CPNE8: variants seen among roughly 807,000 people sequenced by gnomAD.
The protein encoded by CPNE8 is copine 8.
CPNE8 carries 45 observed loss-of-function variants against 81.5 expected under a neutral mutation model. The ratio of observed to expected loss-of-function variants is 0.55; its 90% CI spans 0.44 to 0.71. The LOEUF is 0.71. CPNE8 is among the 30% of genes least tolerant of loss of function. The pLI is 0.00. For synonymous variants in CPNE8, 252 were observed against 226.3 expected (o/e 1.11, Z -1.02); for missense variants, 594 against 672.1 (o/e 0.88, Z 1.28).
At chr12:38,716,320 A>C (rs1292286192) in intron 13 of CPNE8, among the ~76,000 whole-genome samples, 2 of 152,110 alleles carry the variant, frequency 1.3e-5, no homozygotes, top group African/African-American at 4.8e-5. Flanking sequence ...ATGGAACCAA[A>C]GAGAGAGCTC....
rs149628180 is a variant in CPNE8 at position 38,656,600 on chromosome 12, G to C, written c.1507-2530C>G. ...GTTTCAAAGCCTGGTTCTGCTGCCT[G>C]TTGCCTGCATGATCTTGAGCAGGTT... On this transcript the variant is annotated intron_variant, in intron 19 of 19. Transcript: ENST00000331366. 3.1e-3 allele frequency among the ~76,000 whole-genome samples: 472 copies of C among 152,246 alleles called. 4 individuals carry two copies. Among genetic ancestry groups the C allele is most frequent in the Non-Finnish European group, 5.4e-3 (364 of 68,016 alleles).
At chr12:38,817,083 A>T (rs1455551485) in intron 6 of CPNE8, among the ~76,000 whole-genome samples, 1 of 152,182 alleles carries the variant, frequency 6.6e-6, no homozygotes. Context: ...TTCTCCAGGG[A>T]ATATGTGAGC....
intron 10 of CPNE8, among the ~76,000 whole-genome samples, chr12:38,742,679 T>G (rs1027248624): frequency 3.2e-4 from 27 of 83,954 alleles, no homozygotes; most frequent in African/African-American, 7.7e-4. Flanking sequence ...AAAATATAAA[T>G]AAATAAATAA....
At chr12:38,862,170 T>C (rs1943846126) in intron 3 of CPNE8, among the ~76,000 whole-genome samples, 1 of 152,048 alleles carries the variant, frequency 6.6e-6, no homozygotes, top group South Asian at 2.1e-4. Context: ...AGAAAAAATA[T>C]AATGAAATGC....
chr12:38,663,743 G>A (rs1422445677), intron 19 of CPNE8, among the ~76,000 whole-genome samples: 1 of 152,072 alleles, frequency 6.6e-6, no homozygotes, highest in Non-Finnish European at 1.5e-5. Flanking sequence ...ATTAACAGAG[G>A]AATGGATAAG....
intron 5 of CPNE8, among the ~76,000 whole-genome samples, chr12:38,835,218 G>C (rs1943360680): frequency 6.6e-6 from 1 of 152,060 alleles, no homozygotes; most frequent in Admixed American, 6.6e-5. Context: ...CCACTGGACT[G>C]TTCTTCCTTT....
At chr12:38,737,222 TA>T (rs372286708) in intron 10 of CPNE8, among the ~76,000 whole-genome samples, 59 of 150,916 alleles carry the variant, frequency 3.9e-4, no homozygotes, top group Middle Eastern at 3.5e-3. Flanking sequence ...AGACTGAAGT[TA>T]AAAAAAAATG....
intron 10 of CPNE8, among the ~76,000 whole-genome samples, chr12:38,746,699 T>A (rs1941233341): frequency 6.6e-6 from 1 of 152,182 alleles, no homozygotes; most frequent in African/African-American, 2.4e-5. Flanking sequence ...TAACATACAT[T>A]GGAGATGCTA....
intron 10 of CPNE8, among the ~76,000 whole-genome samples, chr12:38,745,111 C>A (rs1348771774): frequency 6.6e-6 from 1 of 152,140 alleles, no homozygotes; most frequent in South Asian, 2.1e-4. Context: ...ACAGGCCTTC[C>A]ACCATATAAT....
chr12:38,699,838 G>A (rs1396102215), intron 14 of CPNE8, among the ~76,000 whole-genome samples: 3 of 152,200 alleles, frequency 2.0e-5, no homozygotes, highest in South Asian at 4.1e-4. Context: ...TACGATAAAG[G>A]AAATTGTTTT....
At chr12:38,689,977 G>A (rs1939637970) in intron 15 of CPNE8, among the ~76,000 whole-genome samples, 1 of 152,004 alleles carries the variant, frequency 6.6e-6, no homozygotes, top group African/African-American at 2.4e-5. Context: ...TTTTCTCATA[G>A]TGTGTCTCAC....
At chr12:38,808,493 T>A (rs913096160) in intron 6 of CPNE8, among the ~76,000 whole-genome samples, 8 of 151,262 alleles carry the variant, frequency 5.3e-5, no homozygotes, top group Non-Finnish European at 1.2e-4. Flanking sequence ...CTCAGTCAAC[T>A]ATCACAAGAA....
chr12:38,859,572 C>T (rs1053032942), intron 3 of CPNE8, among the ~76,000 whole-genome samples: 22 of 151,952 alleles, frequency 1.4e-4, no homozygotes, highest in African/African-American at 4.8e-4. Context: ...ATAGACAAAA[C>T]AATCTTAAAA....
At chr12:38,674,345 T>G (rs185227215) in intron 18 of CPNE8, among the ~76,000 whole-genome samples, 1 of 152,124 alleles carries the variant, frequency 6.6e-6, no homozygotes, top group South Asian at 2.1e-4. Flanking sequence ...TGGACTTCCA[T>G]AGGAGTCTGA....
chr12:38,737,328 C>T (rs1940979247), intron 10 of CPNE8, among the ~76,000 whole-genome samples: 1 of 151,970 alleles, frequency 6.6e-6, no homozygotes, highest in Non-Finnish European at 1.5e-5. Flanking sequence ...TTCCCACATA[C>T]TAGTAACAGA....
intron 8 of CPNE8, among the ~76,000 whole-genome samples, chr12:38,765,767 T>TAATTCACCA (rs1272887024): frequency 2.0e-5 from 3 of 152,212 alleles, no homozygotes; most frequent in Non-Finnish European, 4.4e-5. Context: ...ATTCACCAAC[T>TAATTCACCA]TTTAAAAATA....
intron 1 of CPNE8, 32 bp from the exon 2 acceptor site, chr12:38,874,543 T>C: frequency 2.8e-6 from 4 of 1,437,268 alleles, no homozygotes; most frequent in Non-Finnish European, 1.9e-6. Context: ...GTTAGCTGGA[T>C]ATAAAAGCAA....
At chr12:38,819,659 C>T (rs1592118369) in intron 6 of CPNE8, among the ~76,000 whole-genome samples, 1 of 147,656 alleles carries the variant, frequency 6.8e-6, no homozygotes. Context: ...CCCAGCTACT[C>T]GGGAGGCTGA....
intron 6 of CPNE8, among the ~76,000 whole-genome samples, chr12:38,782,630 G>GCTT (rs1942080080): frequency 1.3e-5 from 2 of 151,922 alleles, no homozygotes; most frequent in Non-Finnish European, 2.9e-5. Flanking sequence ...AATAAAGTTA[G>GCTT]CTTCTGATTA....
Sources: gnomAD v4.1 joint callset for allele counts (sites outside exome capture counted in the v4.1 genomes callset) on GRCh38, gnomAD v4.1.1 for gene constraint, MANE v1.5 for transcripts, NCBI Gene and HGNC (gene_info 2026-07-23, HGNC 2026-07-21) for gene names.